The following CRACD variants were observed in gnomAD, a reference collection of about 807,000 sequenced individuals.
The protein encoded by CRACD is capping protein-inhibiting regulator of actin dynamics.
CRACD carries 56 observed loss-of-function variants against 106.8 expected under a neutral mutation model. The ratio of observed to expected loss-of-function variants is 0.52; its 90% CI spans 0.42 to 0.66. CRACD has a LOEUF of 0.66. CRACD is among the 30% of genes least tolerant of loss of function. The pLI is 0.00. For missense variants in CRACD, 1,730 were observed against 1,623.2 expected (o/e 1.07, Z -1.13); for synonymous variants, 754 against 670.8 (o/e 1.12, Z -1.92).
At chr4:56,311,215 A>C (rs1745138368) in intron 6 of CRACD, 1 of 168,306 alleles carries the variant, frequency 5.9e-6, no homozygotes, top group African/African-American at 2.4e-5. Context: ...CAGGAGTGTA[A>C]GAACCCTGTG....
intron 1 of CRACD, among the ~76,000 whole-genome samples, chr4:56,123,611 C>G (rs1734561925): frequency 6.6e-6 from 1 of 152,126 alleles, no homozygotes; most frequent in Non-Finnish European, 1.5e-5. Flanking sequence ...GGTAGGCAGT[C>G]TTATTAATCT....
intron 1 of CRACD, among the ~76,000 whole-genome samples, chr4:56,078,255 A>G (rs1000447560): frequency 2.0e-5 from 3 of 152,096 alleles, no homozygotes; most frequent in Non-Finnish European, 2.9e-5. Flanking sequence ...GCCTGTGACT[A>G]TTGAATCAGG....
Position 56,327,824 on chromosome 4 carries a change from C to T in CRACD, c.*20C>T, listed in dbSNP as rs376649482. ...AAGTAAAGAGTGACTCTCACCCATC[C>T]CTACTGCCAGTTATTGGCTCCTCTC... is the stretch of plus-strand genomic sequence containing the variant. On this transcript the variant is annotated 3_prime_UTR_variant, in exon 11 of 11. Coordinates refer to ENST00000682029, the MANE Select transcript of CRACD (RefSeq NM_001393381.1). 2 of 1,599,640 alleles carry T rather than the reference C, an allele frequency of 1.3e-6. No individual in the cohort carries two copies. Among genetic ancestry groups the T allele is most frequent in the Non-Finnish European group, 1.7e-6 (2 of 1,170,326 alleles).
intron 1 of CRACD, among the ~76,000 whole-genome samples, chr4:56,159,001 T>C (rs1217566419): frequency 6.6e-6 from 1 of 152,252 alleles, no homozygotes. Flanking sequence ...GTGGAGCATT[T>C]CCCAGCTGTC....
chr4:56,066,058 G>A (rs1732456289), intron 1 of CRACD, among the ~76,000 whole-genome samples: 1 of 152,144 alleles, frequency 6.6e-6, no homozygotes, highest in Non-Finnish European at 1.5e-5. Context: ...TCCATTGTAT[G>A]GATATATCAC....
intron 1 of CRACD, among the ~76,000 whole-genome samples, chr4:56,074,409 G>A (rs1310600528): frequency 1.3e-5 from 2 of 152,136 alleles, no homozygotes; most frequent in East Asian, 3.9e-4. Flanking sequence ...CATGTCCCTT[G>A]TAAGTTGTAT....
chr4:56,159,705 T>C (rs548249532), intron 1 of CRACD, among the ~76,000 whole-genome samples: 1 of 152,270 alleles, frequency 6.6e-6, no homozygotes, highest in South Asian at 2.1e-4. Flanking sequence ...TATAATCTGC[T>C]GGGCATGGTC....
chr4:56,197,674 G>A (rs1737672554), intron 2 of CRACD, among the ~76,000 whole-genome samples: 1 of 151,790 alleles, frequency 6.6e-6, no homozygotes, highest in African/African-American at 2.4e-5. Context: ...TTTCCTTGTT[G>A]TGCAGGGTGA....
intron 2 of CRACD, among the ~76,000 whole-genome samples, chr4:56,214,681 C>CTCTCTATATATATATATATA: frequency 1.0e-3 from 82 of 80,964 alleles, no homozygotes; most frequent in African/African-American, 3.4e-3. Flanking sequence ...CTCTCTCTCT[C>CTCTCTATATATATATATATA]TATATATATA....
At chr4:56,289,165 G>C (rs1045459161) in intron 3 of CRACD, among the ~76,000 whole-genome samples, 7 of 152,184 alleles carry the variant, frequency 4.6e-5, no homozygotes, top group African/African-American at 1.7e-4. Context: ...AGTTTAGGAT[G>C]ATGATAAGGT....
intron 3 of CRACD, among the ~76,000 whole-genome samples, chr4:56,291,320 C>G (rs978375456): frequency 6.6e-6 from 1 of 152,138 alleles, no homozygotes; most frequent in African/African-American, 2.4e-5. Context: ...GAAGTCCGGA[C>G]GAACTCTGCT....
At chr4:56,262,378 G>T (rs897612813) in intron 2 of CRACD, among the ~76,000 whole-genome samples, 1 of 152,206 alleles carries the variant, frequency 6.6e-6, no homozygotes, top group Non-Finnish European at 1.5e-5. Context: ...GTTCAGCTGG[G>T]TGCGGTGTTC....
intron 1 of CRACD, among the ~76,000 whole-genome samples, chr4:56,068,400 CTA>C (rs1274346469): frequency 6.6e-6 from 1 of 152,150 alleles, no homozygotes; most frequent in Non-Finnish European, 1.5e-5. Flanking sequence ...GGATCAGACT[CTA>C]TAGGGCCTGG....
intron 1 of CRACD, among the ~76,000 whole-genome samples, chr4:56,100,545 G>T (rs1733744348): frequency 6.6e-6 from 1 of 152,142 alleles, no homozygotes; most frequent in Non-Finnish European, 1.5e-5. Context: ...CACCAAAATT[G>T]GTATGTTGAA....
At chr4:56,130,986 T>C (rs1343145287) in intron 1 of CRACD, among the ~76,000 whole-genome samples, 1 of 152,182 alleles carries the variant, frequency 6.6e-6, no homozygotes, top group Non-Finnish European at 1.5e-5. Context: ...CAGTGATGCT[T>C]GTCTGACTGC....
At chr4:56,164,220 C>T (rs1227569049) in intron 1 of CRACD, among the ~76,000 whole-genome samples, 2 of 151,614 alleles carry the variant, frequency 1.3e-5, no homozygotes, top group African/African-American at 4.9e-5. Flanking sequence ...CTGCAAGCTC[C>T]ACCTCCCAGG....
chr4:56,225,298 T>G (rs1351527513), intron 2 of CRACD, among the ~76,000 whole-genome samples: 1 of 152,182 alleles, frequency 6.6e-6, no homozygotes, highest in Non-Finnish European at 1.5e-5. Flanking sequence ...TTCACCATGT[T>G]GGCCAGGCTA....
At chr4:56,295,440 A>G (rs993159315) in intron 3 of CRACD, among the ~76,000 whole-genome samples, 9 of 151,848 alleles carry the variant, frequency 5.9e-5, no homozygotes, top group African/African-American at 2.2e-4. Context: ...CAATATGATC[A>G]TCTGGAAGTG....
At chr4:56,254,845 C>T (rs1032143920) in intron 2 of CRACD, among the ~76,000 whole-genome samples, 1 of 151,874 alleles carries the variant, frequency 6.6e-6, no homozygotes, top group Admixed American at 6.6e-5. Flanking sequence ...TGGCTCACGC[C>T]TGTAATCCCA....
Sources: gnomAD v4.1 joint callset for allele counts (sites outside exome capture counted in the v4.1 genomes callset) on GRCh38, gnomAD v4.1.1 for gene constraint, MANE v1.5 for transcripts, NCBI Gene and HGNC (gene_info 2026-07-23, HGNC 2026-07-21) for gene names.